Variants in GPBP1L1 observed in about 807,000 individuals in gnomAD.
The protein encoded by GPBP1L1 is vasculin-like protein 1.
A neutral mutation model predicts 52.5 loss-of-function variants in GPBP1L1; 23 were observed. The ratio of observed to expected loss-of-function variants is 0.44; its 90% CI spans 0.32 to 0.62. The LOEUF (loss-of-function observed/expected upper bound fraction) is 0.62, where lower values mean the gene tolerates loss of function less well. Among genes scored for constraint, GPBP1L1 ranks in the 20% least tolerant of loss-of-function variants. The pLI, the probability that GPBP1L1 is intolerant of heterozygous loss-of-function variation, is 0.06. For missense variants in GPBP1L1, 596 were observed against 579.3 expected (o/e 1.03, Z -0.30); for synonymous variants, 243 against 203.1 (o/e 1.20, Z -1.67).
intron 2 of GPBP1L1, among the ~76,000 whole-genome samples, chr1:45,671,209 CTT>C (rs5773890): frequency 6.0e-4 from 60 of 99,778 alleles, no homozygotes; most frequent in East Asian, 1.6e-3. Context: ...GGCTCTCTGG[CTT>C]TTTTTTTTTT....
chr1:45,635,423 A>T (rs916394160), intron 8 of GPBP1L1: 2 of 152,320 alleles, frequency 1.3e-5, no homozygotes, highest in African/African-American at 4.8e-5. Flanking sequence ...CCTGAGTTGT[A>T]GTCACCAGAT....
upstream of GPBP1L1, chr1:45,688,087 G>C (rs1645311837): frequency 6.6e-6 from 1 of 152,140 alleles, no homozygotes; most frequent in Non-Finnish European, 1.5e-5. Context: ...CCCCCAAACA[G>C]AAAGCCGGGC....
At chr1:45,679,511 A>G (rs902193481) in intron 2 of GPBP1L1, among the ~76,000 whole-genome samples, 1 of 152,170 alleles carries the variant, frequency 6.6e-6, no homozygotes, top group Non-Finnish European at 1.5e-5. Context: ...TCCAGCACAG[A>G]AAGTTTATCT....
chr1:45,669,628 A>C (rs1645050970), intron 2 of GPBP1L1, among the ~76,000 whole-genome samples: 1 of 151,268 alleles, frequency 6.6e-6, no homozygotes, highest in African/African-American at 2.4e-5. Flanking sequence ...CCCCCCCTCC[A>C]ACCCCCTGCC....
Position 45,634,232 on chromosome 1 carries a change from T to G in GPBP1L1, c.749A>C (p.Asn250Thr). The G allele has an allele frequency of 6.2e-7, 1 of 1,611,676 alleles. No individual in the cohort carries two copies. Among genetic ancestry groups the G allele is most frequent in the South Asian group, 1.1e-5 (1 of 90,830 alleles). ...CTCCATCCTGTTAGCTTTCCATGCATTAGGCTACACAGGGTGAAAGAACAA... is the reference window on the plus strand; with the variant it reads ...CTCCATCCTGTTAGCTTTCCATGCAGTAGGCTACACAGGGTGAAAGAACAA... ...PKPVPPPSKP[N>T]AWKANRMEHK... Residue 250 changes from asparagine (N) to threonine (T), a missense_variant, in exon 9 of 13, where the codon AAT becomes ACT. By Grantham distance (65) the Asn-to-Thr change is moderately conservative (BLOSUM62 0). Coordinates refer to ENST00000355105, the MANE Select transcript of GPBP1L1 (RefSeq NM_021639.5).
At chr1:45,634,274 A>G (rs1644567785) in intron 8 of GPBP1L1, 38 bp from the exon 9 acceptor site, 1 of 1,548,350 alleles carries the variant, frequency 6.5e-7, no homozygotes. Context: ...CAGAACAAGC[A>G]CACAAACAGA....
chr1:45,656,501 T>G lies in GPBP1L1; in HGVS notation c.61-1182A>C, dbSNP rs757991288. 8.3e-4 allele frequency among the ~76,000 whole-genome samples: 127 copies of G among 152,248 alleles called. 1 individual carries two copies. Among genetic ancestry groups the G allele is most frequent in the Non-Finnish European group, 1.5e-3 (104 of 68,044 alleles). On this transcript the variant is annotated intron_variant, in intron 4 of 12. Transcript: ENST00000355105. ...TATGGTTTTAGCTTTTTAACTTATG[T>G]TCCATTTCAGGTTAATCTTTTTGTG...
intron 1 of GPBP1L1, among the ~76,000 whole-genome samples, chr1:45,686,193 G>A (rs962130809): frequency 4.7e-4 from 71 of 152,248 alleles, no homozygotes; most frequent in Non-Finnish European, 3.4e-4. Context: ...CGACGCTCGC[G>A]TGCAAAGCTC....
intron 2 of GPBP1L1, among the ~76,000 whole-genome samples, chr1:45,675,522 A>G (rs1485614548): frequency 1.3e-5 from 2 of 152,052 alleles, no homozygotes; most frequent in Non-Finnish European, 2.9e-5. Context: ...TGACAATTCT[A>G]TAAATTAGTA....
At chr1:45,666,132 A>AC (rs1645007694) in intron 2 of GPBP1L1, among the ~76,000 whole-genome samples, 2 of 136,098 alleles carry the variant, frequency 1.5e-5, no homozygotes. Flanking sequence ...ATCTTCAAAC[A>AC]CTTTTTTTTT....
intron 4 of GPBP1L1, among the ~76,000 whole-genome samples, chr1:45,657,313 C>T (rs752744924): frequency 2.2e-4 from 33 of 152,176 alleles, no homozygotes; most frequent in Non-Finnish European, 4.3e-4. Context: ...GCAGGTACAT[C>T]GCTTGAGCCC....
At chr1:45,682,684 T>C in intron 2 of GPBP1L1, among the ~76,000 whole-genome samples, 1 of 152,226 alleles carries the variant, frequency 6.6e-6, no homozygotes, top group East Asian at 1.9e-4. Context: ...AGATCAATTA[T>C]TTGCCTTAGT....
chr1:45,651,535 C>A, intron 6 of GPBP1L1: 1 of 533,250 alleles, frequency 1.9e-6, no homozygotes, highest in Admixed American at 2.8e-5. Context: ...ACTTGTGGGC[C>A]AGCTTAAGTA....
intron 2 of GPBP1L1, among the ~76,000 whole-genome samples, chr1:45,662,733 C>T (rs1468319356): frequency 6.6e-6 from 1 of 152,106 alleles, no homozygotes; most frequent in Non-Finnish European, 1.5e-5. Context: ...TCACTTATTG[C>T]TCTTTTTATA....
chr1:45,677,479 G>A (rs1429569279), intron 2 of GPBP1L1, among the ~76,000 whole-genome samples: 9 of 152,130 alleles, frequency 5.9e-5, no homozygotes, highest in African/African-American at 2.2e-4. Context: ...TCCAGCCTGT[G>A]CTACAGTGTG....
At chr1:45,663,530 A>C (rs770901076) in intron 2 of GPBP1L1, among the ~76,000 whole-genome samples, 1 of 152,352 alleles carries the variant, frequency 6.6e-6, no homozygotes, top group East Asian at 1.9e-4. Context: ...TTACTCACCC[A>C]TCACCCTCAA....
chr1:45,643,369 T>A (rs1644698479), intron 6 of GPBP1L1, among the ~76,000 whole-genome samples: 1 of 152,126 alleles, frequency 6.6e-6, no homozygotes, highest in Non-Finnish European at 1.5e-5. Context: ...ATTCTACAGG[T>A]AATGAGGATC....
At chr1:45,671,399 G>A (rs1180518630) in intron 2 of GPBP1L1, among the ~76,000 whole-genome samples, 1 of 151,568 alleles carries the variant, frequency 6.6e-6, no homozygotes, top group Non-Finnish European at 1.5e-5. Context: ...TAGTAGACAC[G>A]GGGTTTCACC....
chr1:45,653,846 T>C (rs550545322), intron 6 of GPBP1L1, among the ~76,000 whole-genome samples: 15 of 151,754 alleles, frequency 9.9e-5, no homozygotes, highest in African/African-American at 3.1e-4. Flanking sequence ...TTATAGGCAC[T>C]TGCCACCAAG....
Sources: gnomAD v4.1 joint callset for allele counts (sites outside exome capture counted in the v4.1 genomes callset) on GRCh38, gnomAD v4.1.1 for gene constraint, MANE v1.5 for transcripts, NCBI Gene and HGNC (gene_info 2026-07-23, HGNC 2026-07-21) for gene names.